Variants in TBC1D1 observed in about 807,000 individuals in gnomAD.
The protein encoded by TBC1D1 is TBC1 domain family member 1, also known as TBC1 (tre-2/USP6, BUB2, cdc16) domain family, member 1.
TBC1D1 carries 89 observed loss-of-function variants against 125.6 expected under a neutral mutation model. The ratio of observed to expected loss-of-function variants is 0.71; its 90% CI spans 0.60 to 0.85. The LOEUF (loss-of-function observed/expected upper bound fraction) is 0.85. Among genes scored for constraint, TBC1D1 ranks in the 40% least tolerant of loss-of-function variants. The pLI is 0.00. For synonymous variants in TBC1D1, 565 were observed against 564.1 expected, an observed-to-expected ratio of 1.00 and a Z score of -0.02; for missense variants, 1,377 against 1,469.2, an observed-to-expected ratio of 0.94 and a Z score of 1.03.
At chr4:38,035,990 G>C (rs541950102) in intron 8 of TBC1D1, among the ~76,000 whole-genome samples, 2 of 152,162 alleles carry the variant, frequency 1.3e-5, no homozygotes, top group Non-Finnish European at 2.9e-5. Flanking sequence ...TGAGCTGCTT[G>C]GCTTGCAGGG....
At chr4:38,112,507 C>T (rs1260731367) in intron 15 of TBC1D1, among the ~76,000 whole-genome samples, 2 of 152,150 alleles carry the variant, frequency 1.3e-5, no homozygotes, top group Non-Finnish European at 2.9e-5. Flanking sequence ...TTGCATTAGG[C>T]ATTGTACGTG....
At chr4:37,980,812 T>G (rs1409022193) in intron 2 of TBC1D1, among the ~76,000 whole-genome samples, 3 of 152,236 alleles carry the variant, frequency 2.0e-5, no homozygotes, top group Non-Finnish European at 4.4e-5. Flanking sequence ...AAGTGTTTTA[T>G]TAGGTACTTT....
intron 8 of TBC1D1, among the ~76,000 whole-genome samples, chr4:38,041,860 T>G (rs1284040932): frequency 6.6e-6 from 1 of 152,152 alleles, no homozygotes; most frequent in Non-Finnish European, 1.5e-5. Context: ...TTCAAAGATG[T>G]CTGCAGTGGT....
At chr4:38,066,706 T>G (rs1392508022) in intron 12 of TBC1D1, among the ~76,000 whole-genome samples, 2 of 152,130 alleles carry the variant, frequency 1.3e-5, no homozygotes, top group African/African-American at 4.8e-5. Flanking sequence ...GGAGGGGAGC[T>G]GGGGGCTCTG....
intron 2 of TBC1D1, among the ~76,000 whole-genome samples, chr4:37,924,935 T>C (rs997309236): frequency 4.6e-5 from 7 of 152,246 alleles, no homozygotes; most frequent in Non-Finnish European, 8.8e-5. Context: ...ATGTATTTTA[T>C]GCGCATTATT....
At chr4:38,111,402 A>G (rs1326558323) in intron 15 of TBC1D1, among the ~76,000 whole-genome samples, 1 of 152,172 alleles carries the variant, frequency 6.6e-6, no homozygotes, top group African/African-American at 2.4e-5. Context: ...AATATTTACT[A>G]TATTACCAAT....
chr4:38,036,121 G>C (rs1177517374), intron 8 of TBC1D1, among the ~76,000 whole-genome samples: 1 of 152,212 alleles, frequency 6.6e-6, no homozygotes, highest in East Asian at 1.9e-4. Context: ...TCACAAATCA[G>C]ATACAATGTT....
At chr4:38,130,257 G>C (rs1268609115) in intron 18 of TBC1D1, among the ~76,000 whole-genome samples, 3 of 152,118 alleles carry the variant, frequency 2.0e-5, no homozygotes, top group African/African-American at 7.2e-5. Context: ...ATTTTATGTT[G>C]GTTATGTTTA....
rs756104239 is a variant in TBC1D1, at chr4:38,053,245, T to C, written c.1911-954T>C. 1 of 1,477,662 alleles carries C rather than the reference T, an allele frequency of 6.8e-7. No homozygotes were observed. Among genetic ancestry groups the C allele is most frequent in the South Asian group, 1.4e-5 (1 of 71,428 alleles). The allele number at this position is 1,477,662 out of a possible 1,614,324, so 91.5% of individuals were successfully genotyped here. ...AAAAAGGTAGGGCTTAATTTAGATA[T>C]ATCAAGCCTGGGTGTTACTAAGTGT... On this transcript the variant is annotated intron_variant, in intron 11 of 19. Coordinates refer to ENST00000261439, the MANE Select transcript of TBC1D1 (RefSeq NM_015173.4).
intron 2 of TBC1D1, among the ~76,000 whole-genome samples, chr4:37,925,602 G>C (rs35864939): frequency 0.1 from 15,024 of 149,612 alleles, 974 homozygotes; most frequent in Admixed American, 0.18. Context: ...TGTAGTCCCA[G>C]CTACTTAGGA....
intron 2 of TBC1D1, chr4:37,961,179 T>C: frequency 1.0e-6 from 1 of 965,540 alleles, no homozygotes; most frequent in South Asian, 1.6e-5. Flanking sequence ...CCCTTGTTTC[T>C]ATATTTCTTC....
rs58659939 is a variant in TBC1D1 at position 38,052,167 on chromosome 4, C to CTGTG, written c.1911-2007_1911-2004dup. ...AATGTCCATGCAGGAAGCAGAGCCACTGTGTGTGTGTGTGTGTGTGTGTGT... is the reference window on the plus strand; with the variant it reads ...AATGTCCATGCAGGAAGCAGAGCCACTGTGTGTGTGTGTGTGTGTGTGTGTGTGT... On this transcript the variant is annotated intron_variant, in intron 11 of 19. Transcript: ENST00000261439. The CTGTG allele has an allele frequency of 3.9e-3, 2,901 of 736,096 alleles. 9 individuals carry two copies. The highest frequency in any genetic ancestry group is 0.016 in the African/African-American group (885 of 54,510). The allele number at this position is 736,096 out of a possible 1,614,324, so 45.6% of individuals were successfully genotyped here.
chr4:37,947,259 C>A (rs1382257653), intron 2 of TBC1D1, among the ~76,000 whole-genome samples: 1 of 152,136 alleles, frequency 6.6e-6, no homozygotes, highest in Non-Finnish European at 1.5e-5. Context: ...TGGGTTCAAG[C>A]GATTCTCCTG....
intron 16 of TBC1D1, 118 bp downstream of exon 18, chr4:38,116,072 G>A: frequency 2.8e-6 from 3 of 1,088,672 alleles, no homozygotes; most frequent in Non-Finnish European, 2.7e-6. Context: ...AGCTGTCACT[G>A]CTGATAAAGG....
At chr4:38,123,695 G>A (rs1484479594) in intron 17 of TBC1D1, among the ~76,000 whole-genome samples, 3 of 151,946 alleles carry the variant, frequency 2.0e-5, no homozygotes, top group Admixed American at 1.3e-4. Flanking sequence ...TGAGCTGGGT[G>A]GGAGAAGCAG....
Position 38,088,652 on chromosome 4 carries a change from T to A in TBC1D1, c.2051-1280T>A, listed in dbSNP as rs1348859478. ...AGCAAACAATAAGAGCTATTTTTTTTATTGTGTTCTTACTCTGTGTTGGGC... is the reference window on the plus strand; with the variant it reads ...AGCAAACAATAAGAGCTATTTTTTTAATTGTGTTCTTACTCTGTGTTGGGC... On this transcript the variant is annotated intron_variant, in intron 12 of 19. Transcript: ENST00000261439. Among the ~76,000 whole-genome samples the A allele has an allele frequency of 5.3e-5, 8 of 152,292 alleles. No homozygotes were observed. The East Asian group carries it at 1.5e-3, about 29-fold the overall frequency.
chr4:38,129,605 C>T (rs988606171), intron 18 of TBC1D1, among the ~76,000 whole-genome samples: 3 of 152,034 alleles, frequency 2.0e-5, no homozygotes, highest in African/African-American at 2.4e-5. Flanking sequence ...GTTAGGAAGG[C>T]GGAAGCTCTG....
In TBC1D1 at chr4:37,968,427, C is replaced by T. The variant is rs182964327; in HGVS notation, c.418-46082C>T. Among the ~76,000 whole-genome samples, 442 of 152,344 alleles carry T rather than the reference C, an allele frequency of 2.9e-3. 1 individual carries two copies. Among genetic ancestry groups the T allele is most frequent in the Admixed American group, 8.0e-3 (123 of 15,300 alleles). ...TGGCTGGGGCCGCTAAAAATGTTCT[C>T]ATGAAGTCGGCTTGCTGTTATTCTG... On this transcript the variant is annotated intron_variant, in intron 2 of 19. Coordinates refer to ENST00000261439, the MANE Select transcript of TBC1D1 (RefSeq NM_015173.4).
chr4:38,043,693 T>C (rs1748863697), intron 8 of TBC1D1, among the ~76,000 whole-genome samples: 1 of 152,060 alleles, frequency 6.6e-6, no homozygotes, highest in Non-Finnish European at 1.5e-5. Context: ...TTTTTATGGC[T>C]AGTAGTTAAG....
Sources: allele counts gnomAD v4.1 joint callset (sites outside exome capture counted in the v4.1 genomes callset), GRCh38; gene constraint gnomAD v4.1.1; transcripts MANE v1.5; gene names NCBI Gene and HGNC (gene_info 2026-07-23, HGNC 2026-07-21).